Variants in FANCI observed in about 807,000 individuals in gnomAD.
FANCI encodes the protein FA complementation group I, also known as Fanconi anemia group I protein.
Under a neutral mutation model 176.1 loss-of-function variants are expected in FANCI, and 156 were observed. The ratio of observed to expected loss-of-function variants is 0.89; its 90% CI spans 0.78 to 1.01. FANCI has a LOEUF of 1.01. FANCI is among the 50% of genes least tolerant of loss of function. The probability of loss-of-function intolerance (pLI) is 0.00; values close to 1 mark genes in which losing one functional copy is unlikely to be tolerated. For missense variants in FANCI, 1,678 were observed against 1,534.1 expected, an observed-to-expected ratio of 1.09 and a Z score of -1.57; for synonymous variants, 613 against 541.7, an observed-to-expected ratio of 1.13 and a Z score of -1.83.
chr15:89,289,403 T>A (rs1420309854), intron 18 of FANCI, among the ~76,000 whole-genome samples: 1 of 151,822 alleles, frequency 6.6e-6, no homozygotes, highest in Non-Finnish European at 1.5e-5. Flanking sequence ...ATCCCCAGTT[T>A]AAGCGATTCT....
chr15:89,288,412 T>C (rs1236666415), intron 18 of FANCI, among the ~76,000 whole-genome samples: 4 of 152,194 alleles, frequency 2.6e-5, no homozygotes. Context: ...CTTAAACCTA[T>C]TAGAATATTG....
At chr15:89,310,948 T>G (rs1382819321) in intron 34 of FANCI, among the ~76,000 whole-genome samples, 1 of 150,972 alleles carries the variant, frequency 6.6e-6, no homozygotes, top group Non-Finnish European at 1.5e-5. Context: ...CATGGTGAAA[T>G]CCCGTCTCAA....
chr15:89,258,288 A>G (rs555125977), intron 2 of FANCI, among the ~76,000 whole-genome samples: 168 of 151,892 alleles, frequency 1.1e-3, no homozygotes, highest in African/African-American at 3.9e-3. Flanking sequence ...TTCCTCACTT[A>G]TTGTCTATCT....
In FANCI at chr15:89,290,256, C is replaced by T; in HGVS notation, c.1865C>T (p.Ser622Leu). 3 of 1,613,838 alleles carry T rather than the reference C, an allele frequency of 1.9e-6. No homozygotes were observed. The highest frequency in any genetic ancestry group is 2.2e-5 in the South Asian group (2 of 91,086). Residue 622 changes from serine (S) to leucine (L), a missense_variant, in exon 19 of 38, where the codon TCA becomes TTA. Physicochemically the swap from Ser to Leu is moderately radical, Grantham distance 145 (BLOSUM62 -2). Coordinates refer to ENST00000310775, the MANE Select transcript of FANCI (RefSeq NM_001113378.2). ...VLRRNSQLAN[S>L]VMQTLLSQLK... ...CGAAGGAACTCTCAGCTGGCTAATT[C>T]AGTCATGCAAACTCTGCTCTCACAG...
intron 34 of FANCI, among the ~76,000 whole-genome samples, chr15:89,312,446 T>C (rs925252564): frequency 2.6e-5 from 4 of 152,228 alleles, no homozygotes; most frequent in African/African-American, 9.6e-5. Flanking sequence ...TTTTTCCCTA[T>C]CTTCTAACAT....
intron 17 of FANCI, among the ~76,000 whole-genome samples, chr15:89,284,335 A>G (rs1037867979): frequency 1.3e-5 from 2 of 152,226 alleles, no homozygotes; most frequent in African/African-American, 4.8e-5. Flanking sequence ...TATAAATAGG[A>G]GACATTTATA....
intron 1 of FANCI, chr15:89,245,694 A>T (rs1285585945): frequency 3.3e-5 from 5 of 152,214 alleles, no homozygotes; most frequent in Non-Finnish European, 7.3e-5. Context: ...GCTGGAGCAG[A>T]GTGATGAAAG....
At chr15:89,286,555 CTT>C (rs931372843) in intron 18 of FANCI, among the ~76,000 whole-genome samples, 3 of 151,654 alleles carry the variant, frequency 2.0e-5, no homozygotes, top group African/African-American at 7.3e-5. Context: ...TGAGAAGAAT[CTT>C]TTTTTTTCTG....
chr15:89,314,002 CAAAT>C (rs2055082734), intron 35 of FANCI, among the ~76,000 whole-genome samples: 1 of 144,962 alleles, frequency 6.9e-6, no homozygotes, highest in African/African-American at 2.6e-5. Context: ...CACACACACA[CAAAT>C]GTAGGACCTA....
At chr15:89,268,638 G>A in intron 10 of FANCI, 113 bp downstream of exon 10, 3 of 1,341,246 alleles carry the variant, frequency 2.2e-6, no homozygotes, top group South Asian at 1.3e-5. Context: ...ATGACCCTGG[G>A]TGTGGAGGAT....
rs2053426627 is a variant in FANCI, at chr15:89,276,760, A to G, written c.1162A>G (p.Ile388Val). Residue 388 changes from isoleucine (I) to valine (V), a missense_variant, in exon 13 of 38, where the codon ATT (isoleucine) becomes GTT (valine). Ile to Val is a conservative substitution (Grantham distance 29). Coordinates refer to ENST00000310775, the MANE Select transcript of FANCI (RefSeq NM_001113378.2). The stretch of plus-strand genomic sequence containing the variant: ...TCAGGGCCTCGTAGAACTTGGTTTC[A>G]TTTTGATGGATTCATATGGGCCAAA... ...VTQGLVELGFILMDSYGPKKV... is the reference protein window; with the variant it reads ...VTQGLVELGFVLMDSYGPKKV... The G allele has an allele frequency of 1.9e-6, 3 of 1,614,030 alleles. No individual in the cohort carries two copies. Among genetic ancestry groups the G allele is most frequent in the Non-Finnish European group, 2.5e-6 (3 of 1,180,038 alleles).
chr15:89,281,198 A>C lies in FANCI; in HGVS notation c.1410A>C (p.Ala470=), dbSNP rs568593855. 1 of 1,613,802 alleles carries C rather than the reference A, an allele frequency of 6.2e-7. No individual in the cohort carries two copies. Among genetic ancestry groups the C allele is most frequent in the Non-Finnish European group, 8.5e-7 (1 of 1,179,798 alleles). Residue 470 remains alanine (A), a synonymous_variant, in exon 15 of 38, where the codon GCA becomes GCC. Coordinates refer to ENST00000310775, the MANE Select transcript of FANCI (RefSeq NM_001113378.2). ...TGCTTTCAAATATCGTCATGTATGC[A>C]CCCTTAGTTCTTCAAAGTTGTTCTT... The part of the protein sequence containing the change: ...LDLLSNIVMY[A]PLVLQSCSSK...
At chr15:89,268,794 A>C (rs1418363325) in intron 10 of FANCI, among the ~76,000 whole-genome samples, 2 of 152,158 alleles carry the variant, frequency 1.3e-5, no homozygotes, top group Non-Finnish European at 2.9e-5. Flanking sequence ...GTTCTAACGC[A>C]AAAAAGTGGG....
chr15:89,273,144 T>A (rs1486444933), intron 10 of FANCI, among the ~76,000 whole-genome samples: 2 of 151,216 alleles, frequency 1.3e-5, no homozygotes, highest in Admixed American at 1.3e-4. Flanking sequence ...TCCAAAAAAA[T>A]TAAAAATTAA....
At chr15:89,287,978 G>A (rs1212072893) in intron 18 of FANCI, among the ~76,000 whole-genome samples, 1 of 152,124 alleles carries the variant, frequency 6.6e-6, no homozygotes, top group Non-Finnish European at 1.5e-5. Context: ...AATATTATGA[G>A]AATTACCAAA....
intron 34 of FANCI, 86 bp from the exon 35 acceptor site, chr15:89,312,813 TCTTAA>T: frequency 1.1e-6 from 1 of 918,890 alleles, no homozygotes; most frequent in Non-Finnish European, 1.6e-6. Flanking sequence ...CAAAGCTCTG[TCTTAA>T]AAAAAAAAAA....
At chr15:89,307,784 CCA>C in intron 34 of FANCI, 112 bp downstream of exon 34, 3 of 1,578,050 alleles carry the variant, frequency 1.9e-6, no homozygotes, top group Non-Finnish European at 2.6e-6. Flanking sequence ...TCCCTGCTTA[CCA>C]CAAGCTGGAG....
intron 24 of FANCI, among the ~76,000 whole-genome samples, chr15:89,298,760 G>A (rs1358451544): frequency 6.6e-6 from 1 of 151,968 alleles, no homozygotes; most frequent in Non-Finnish European, 1.5e-5. Context: ...GAGGAAGAAG[G>A]GACATCACTA....
rs1172621367 is a variant in FANCI at position 89,258,722 on chromosome 15, A to C, written c.103A>C (p.Asn35His). 6.2e-7 allele frequency: 1 copy of C among 1,613,670 alleles called. No homozygotes were observed. The highest frequency in any genetic ancestry group is 1.7e-5 in the Admixed American group (1 of 60,026). ...REGDLTNLLQNQAVKGKVAGA... is the reference protein window; with the variant it reads ...REGDLTNLLQHQAVKGKVAGA... ...TTTGCAGTTGACTAATCTCCTTCAGAATCAAGCAGTGAAAGGAAAAGTTGC... is the reference window on the plus strand; with the variant it reads ...TTTGCAGTTGACTAATCTCCTTCAGCATCAAGCAGTGAAAGGAAAAGTTGC... Residue 35 changes from asparagine (N) to histidine (H), a missense_variant, in exon 3 of 38, where the codon AAT becomes CAT. This residue lies in a region of FANCI where 469 missense variants were observed against 436.9 expected (regional missense o/e 1.07). Coordinates refer to ENST00000310775, the MANE Select transcript of FANCI (RefSeq NM_001113378.2).
Sources: allele counts gnomAD v4.1 joint callset (sites outside exome capture counted in the v4.1 genomes callset), GRCh38; gene constraint gnomAD v4.1.1; regional missense constraint gnomAD v4.1.1; transcripts MANE v1.5; gene names NCBI Gene and HGNC (gene_info 2026-07-23, HGNC 2026-07-21).